Variants in NUAK2 observed in about 807,000 individuals in gnomAD.
The protein encoded by NUAK2 is NUAK family SNF1-like kinase 2.
A neutral mutation model predicts 29.8 loss-of-function variants in NUAK2; 20 were observed. The ratio of observed to expected loss-of-function variants is 0.67; its 90% CI spans 0.47 to 0.98. The LOEUF (loss-of-function observed/expected upper bound fraction) is 0.98, where lower values mean the gene tolerates loss of function less well. Ranked by LOEUF, NUAK2 falls within the 50% of genes least tolerant of loss-of-function variation. The pLI is 0.00. For missense variants in NUAK2, 719 were observed against 834.5 expected, an observed-to-expected ratio of 0.86 and a Z score of 1.71; for synonymous variants, 331 against 342.6, an observed-to-expected ratio of 0.97 and a Z score of 0.37.
intron 1 of NUAK2, among the ~76,000 whole-genome samples, chr1:205,320,292 T>A (rs1163690682): frequency 1.3e-5 from 2 of 152,068 alleles, no homozygotes; most frequent in African/African-American, 4.8e-5. Flanking sequence ...TGAGACGGAG[T>A]CTCGCTCTGT....
Position 205,311,764 on chromosome 1 carries a change from C to T in NUAK2, c.293G>A (p.Arg98Gln), listed in dbSNP as rs140977993. 1.4e-5 allele frequency: 23 copies of T among 1,614,020 alleles called. No individual in the cohort carries two copies. In the South Asian group the frequency reaches 1.4e-4, roughly 10 times the overall value. ...IKDEQDLMHI[R>Q]REIEIMSSLN... ...TGATGACATGATCTCAATCTCCCTC[C>T]GTATGTGCATCAGATCTTGCTCATC... The change falls in exon 2 of 7, where the codon CGG (arginine) becomes CAG (glutamine). Residue 98 changes from arginine to glutamine, a missense_variant. Transcript: ENST00000367157.
At position 205,304,869 on chromosome 1, in the gene NUAK2, C is replaced by T. The variant is rs2102644691; in HGVS notation, c.823+330G>A. On this transcript the variant is annotated intron_variant, in intron 6 of 6. Coordinates refer to ENST00000367157, the MANE Select transcript of NUAK2 (RefSeq NM_030952.3). The surrounding 1 kb of genome is among the most constrained non-coding windows in gnomAD (Gnocchi z 6.5). ...TGGGTCTCTCACACCCTTCTTCCTGCCTTCTGAGTCATAGTGAAGGACAAA... is the reference window on the plus strand; with the variant it reads ...TGGGTCTCTCACACCCTTCTTCCTGTCTTCTGAGTCATAGTGAAGGACAAA... Among the ~76,000 whole-genome samples the T allele has an allele frequency of 6.6e-6, 1 of 152,298 alleles. No homozygotes were observed. Among genetic ancestry groups the T allele is most frequent in the South Asian group, 2.1e-4 (1 of 4,830 alleles).
At position 205,308,341 on chromosome 1, in the gene NUAK2, C is replaced by T; in HGVS notation, c.505-111G>A. ...AAAGGGAGCCAAGTGGGCTTGAGCACAGGTAGGCTGGGAATGCCTATCTTT... is the reference window on the plus strand; with the variant it reads ...AAAGGGAGCCAAGTGGGCTTGAGCATAGGTAGGCTGGGAATGCCTATCTTT... On this transcript the variant is annotated intron_variant, in intron 3 of 6. Coordinates refer to ENST00000367157, the MANE Select transcript of NUAK2 (RefSeq NM_030952.3). The surrounding 1 kb of genome is among the most constrained non-coding windows in gnomAD (Gnocchi z 4.1). 2 of 876,074 alleles carry T rather than the reference C, an allele frequency of 2.3e-6. No individual in the cohort carries two copies. Among genetic ancestry groups the T allele is most frequent in the Non-Finnish European group, 3.6e-6 (2 of 558,238 alleles). The allele number at this position is 876,074 out of a possible 1,614,324, so 54.3% of individuals were successfully genotyped here.
intron 1 of NUAK2, among the ~76,000 whole-genome samples, chr1:205,313,764 C>T (rs1662286649): frequency 6.6e-6 from 1 of 152,050 alleles, no homozygotes; most frequent in East Asian, 1.9e-4. Context: ...TGCCACGGGG[C>T]CCTCAGAGGC....
chr1:205,317,517 G>C lies in NUAK2; in HGVS notation c.231+3881C>G, dbSNP rs539757503. On this transcript the variant is annotated intron_variant, in intron 1 of 6. Coordinates refer to ENST00000367157, the MANE Select transcript of NUAK2 (RefSeq NM_030952.3). ...TCCCACCACACCAGCCAGAGAGCTA[G>C]GCAGGGATCAGGAATGGGCTCCAAG... 1.3e-5 allele frequency among the ~76,000 whole-genome samples: 2 copies of C among 152,220 alleles called. 1 individual carries two copies. Among genetic ancestry groups the C allele is most frequent in the South Asian group, 4.1e-4 (2 of 4,836 alleles).
In NUAK2 at chr1:205,308,296, C is replaced by A; in HGVS notation, c.505-66G>T. On this transcript the variant is annotated intron_variant, in intron 3 of 6. Transcript: ENST00000367157. The surrounding 1 kb of genome is among the most constrained non-coding windows in gnomAD (Gnocchi z 4.1). The stretch of plus-strand genomic sequence containing the variant: ...AAGGGAAGATGATGAGGGGCCCAGT[C>A]TGGAGACTGAGGTAAACACAAAGGG... 1.6e-6 allele frequency: 2 copies of A among 1,242,368 alleles called. No homozygotes were observed. Among genetic ancestry groups the A allele is most frequent in the South Asian group, 2.8e-5 (2 of 71,634 alleles). 77.0% of individuals were successfully genotyped at this position (1,242,368 alleles called of 1,614,324 possible).
At chr1:205,315,797 G>A (rs576589871) in intron 1 of NUAK2, among the ~76,000 whole-genome samples, 5 of 152,112 alleles carry the variant, frequency 3.3e-5, no homozygotes, top group Admixed American at 6.5e-5. Context: ...GCTTGAACCC[G>A]GGAGGGCAGA....
chr1:205,306,074 TGA>T (rs113321117), intron 5 of NUAK2, 112 bp downstream of exon 5: 1 of 1,410,882 alleles, frequency 7.1e-7, no homozygotes, highest in Non-Finnish European at 9.6e-7. Flanking sequence ...TTGGGAGGCT[TGA>T]GAGTTGTGCT....
chr1:205,304,655 T>C lies in NUAK2; in HGVS notation c.824-142A>G. ...GCGTCCCTTCCAACCTAGGGCTCTA[T>C]ACATGCCTTGGCCCAGGACAGCTCC... On this transcript the variant is annotated intron_variant, in intron 6 of 6. Transcript: ENST00000367157. This position sits in a 1 kb window ranked among gnomAD's most constrained non-coding sequence, Gnocchi z 6.5. 1 of 724,316 alleles carries C rather than the reference T, an allele frequency of 1.4e-6. No individual in the cohort carries two copies. The highest frequency in any genetic ancestry group is 2.8e-5 in the East Asian group (1 of 35,382). 44.9% of individuals were successfully genotyped at this position (724,316 alleles called of 1,614,324 possible).
chr1:205,306,336 G>C (rs145671139), intron 4 of NUAK2, 29 bp from the exon 5 acceptor site: 3 of 1,594,908 alleles, frequency 1.9e-6, no homozygotes, highest in Non-Finnish European at 2.6e-6. Flanking sequence ...CACGGGCACA[G>C]GTCATGTCAA....
At chr1:205,316,771 C>T (rs559518166) in intron 1 of NUAK2, among the ~76,000 whole-genome samples, 17 of 152,324 alleles carry the variant, frequency 1.1e-4, no homozygotes, top group African/African-American at 3.9e-4. Context: ...ACTATGGCCA[C>T]GGTAGCCTGC....
intron 5 of NUAK2, chr1:205,305,592 C>T (rs113812663): frequency 5.9e-6 from 5 of 840,494 alleles, no homozygotes; most frequent in Middle Eastern, 6.0e-4. Context: ...CTCTACATCA[C>T]TCTCAGGAGG....
chr1:205,313,174 T>C (rs2102255781), intron 1 of NUAK2, among the ~76,000 whole-genome samples: 1 of 151,984 alleles, frequency 6.6e-6, no homozygotes, highest in East Asian at 1.9e-4. Context: ...ACGCTACTGG[T>C]ACACTTAAAA....
At position 205,314,739 on chromosome 1, in the gene NUAK2, C is replaced by T. The variant is rs576057295; in HGVS notation, c.232-2914G>A. Reference sequence around the variant, plus strand: ...CGATCAATCATATATAAACATGAATCCCATATCTAGATAATCAAAACTATT... The same window carrying T: ...CGATCAATCATATATAAACATGAATTCCATATCTAGATAATCAAAACTATT... On this transcript the variant is annotated intron_variant, in intron 1 of 6. Coordinates refer to ENST00000367157, the MANE Select transcript of NUAK2 (RefSeq NM_030952.3). Among the ~76,000 whole-genome samples the T allele has an allele frequency of 7.2e-5, 11 of 152,292 alleles. No homozygotes were observed. The South Asian group carries it at 1.0e-3, about 14-fold the overall frequency.
intron 1 of NUAK2, among the ~76,000 whole-genome samples, chr1:205,312,831 A>G (rs1199746211): frequency 6.6e-6 from 1 of 152,184 alleles, no homozygotes; most frequent in Non-Finnish European, 1.5e-5. Context: ...AAATGTAGGA[A>G]TAAATTACAT....
At chr1:205,311,613 T>C (rs943090750) in intron 2 of NUAK2, 92 bp downstream of exon 2, 77 of 1,519,008 alleles carry the variant, frequency 5.1e-5, no homozygotes, top group Non-Finnish European at 6.8e-5. Context: ...TACTTCTTTA[T>C]GTTGTTTCTT....
At position 205,321,359 on chromosome 1, in the gene NUAK2, C is replaced by T. The variant is rs538520417; in HGVS notation, c.231+39G>A. On this transcript the variant is annotated intron_variant, in intron 1 of 6. Transcript: ENST00000367157. ...CTCCGCTCCCTGCCGGCGGCCAAGC[C>T]GGAGCCCGCCCCGCGCCGCGAGAGG... 2.9e-5 allele frequency: 46 copies of T among 1,560,628 alleles called. No homozygotes were observed. The African/African-American group carries it at 5.0e-4, about 17-fold the overall frequency.
chr1:205,304,002 C>A lies in NUAK2; in HGVS notation c.1335G>T (p.Lys445Asn). The change falls in exon 7 of 7, where the codon AAG (lysine) becomes AAT (asparagine). Residue 445 changes from lysine to asparagine, a missense_variant. Physicochemically the swap from Lys to Asn is moderately conservative, Grantham distance 94 (BLOSUM62 0). This residue lies in a region of NUAK2 where 430 missense variants were observed against 465.7 expected (regional missense o/e 0.92). Transcript: ENST00000367157. This position sits in a 1 kb window ranked among gnomAD's most constrained non-coding sequence, Gnocchi z 6.5. ...GTCGGGGCTTCTTGAGAATGCCCTT[C>A]TTGGGGAGCAGGGGGGCAGCCTGCC... ...SPGQAAPLLPKKGILKKPRQR... is the reference protein window; with the variant it reads ...SPGQAAPLLPNKGILKKPRQR... 1.2e-6 allele frequency: 2 copies of A among 1,613,864 alleles called. No homozygotes were observed. The highest frequency in any genetic ancestry group is 1.7e-6 in the Non-Finnish European group (2 of 1,179,880).
Position 205,308,091 on chromosome 1 carries a change from G to C in NUAK2, c.570+74C>G. 1.0e-6 allele frequency: 1 copy of C among 975,530 alleles called. No individual in the cohort carries two copies. Among genetic ancestry groups the C allele is most frequent in the Non-Finnish European group, 1.6e-6 (1 of 615,480 alleles). The allele number at this position is 975,530 out of a possible 1,614,324, so 60.4% of individuals were successfully genotyped here. On this transcript the variant is annotated intron_variant, in intron 4 of 6. Coordinates refer to ENST00000367157, the MANE Select transcript of NUAK2 (RefSeq NM_030952.3). The surrounding 1 kb of genome is among the most constrained non-coding windows in gnomAD (Gnocchi z 4.1). ...TTCAGGAATCCACCAAGAGCTTAGA[G>C]CTACTTGGCTGGGGACAGTGCAGAA... is the stretch of plus-strand genomic sequence containing the variant.
Sources: allele counts gnomAD v4.1 joint callset (sites outside exome capture counted in the v4.1 genomes callset), GRCh38; gene constraint gnomAD v4.1.1; regional missense constraint gnomAD v4.1.1; non-coding constraint Gnocchi (gnomAD v3.1); transcripts MANE v1.5; gene names NCBI Gene and HGNC (gene_info 2026-07-23, HGNC 2026-07-21).